Variants in GLI3 observed in about 807,000 individuals in gnomAD.
GLI3 encodes the protein transcription activator GLI3.
GLI3 carries 20 observed loss-of-function variants against 100.8 expected under a neutral mutation model. That is an observed-to-expected ratio of 0.20 (90% CI 0.14 to 0.29). The LOEUF (loss-of-function observed/expected upper bound fraction) is 0.29. GLI3 is among the 10% of genes least tolerant of loss of function. The probability of loss-of-function intolerance (pLI) is 1.00; values close to 1 mark genes in which losing one functional copy is unlikely to be tolerated. For missense variants in GLI3, 2,040 were observed against 2,128.5 expected, an observed-to-expected ratio of 0.96 and a Z score of 0.82; for synonymous variants, 938 against 860.5, an observed-to-expected ratio of 1.09 and a Z score of -1.58.
chr7:42,221,546 ACACT>A lies in GLI3; in HGVS notation c.124+1580_124+1583del, dbSNP rs1372902484. Among the ~76,000 whole-genome samples the A allele has an allele frequency of 4.6e-5, 7 of 152,110 alleles. No individual in the cohort carries two copies. The East Asian group carries it at 1.4e-3, about 29-fold the overall frequency. ...CACTCACACATATCCTCACACACTC[ACACT>A]CACTCACACCCTCACACACAGGCAT... On this transcript the variant is annotated intron_variant, in intron 2 of 14. Transcript: ENST00000395925.
chr7:41,964,237 C>A lies in GLI3; in HGVS notation c.*93G>T. 9.6e-7 allele frequency: 1 copy of A among 1,041,184 alleles called. No individual in the cohort carries two copies. Among genetic ancestry groups the A allele is most frequent in the South Asian group, 1.4e-5 (1 of 73,608 alleles). The allele number at this position is 1,041,184 out of a possible 1,614,324, so 64.5% of individuals were successfully genotyped here. On this transcript the variant is annotated 3_prime_UTR_variant, in exon 15 of 15. Coordinates refer to ENST00000395925, the MANE Select transcript of GLI3 (RefSeq NM_000168.6). ...TAGGTGAGATGAGATTGCTAAAATA[C>A]ATACAGAACTAAAAAAACAGCCAAA... is the stretch of plus-strand genomic sequence containing the variant.
chr7:42,108,455 G>C (rs573550866), intron 3 of GLI3, among the ~76,000 whole-genome samples: 10 of 152,180 alleles, frequency 6.6e-5, no homozygotes, highest in Non-Finnish European at 1.3e-4. Context: ...TTGGTGAGCT[G>C]ATGGCGCTTT....
At chr7:42,025,908 T>C (rs1451025919) in intron 8 of GLI3, among the ~76,000 whole-genome samples, 1 of 152,204 alleles carries the variant, frequency 6.6e-6, no homozygotes, top group Non-Finnish European at 1.5e-5. Flanking sequence ...CATGCTGCAC[T>C]GACATGGGAT....
intron 10 of GLI3, among the ~76,000 whole-genome samples, chr7:41,985,121 G>T (rs1484494507): frequency 1.3e-5 from 2 of 152,226 alleles, no homozygotes; most frequent in Non-Finnish European, 2.9e-5. Flanking sequence ...ACCCCCAGTT[G>T]TATTTCCAAT....
intron 2 of GLI3, among the ~76,000 whole-genome samples, chr7:42,171,588 A>G (rs1428431589): frequency 6.6e-6 from 1 of 152,252 alleles, no homozygotes; most frequent in Admixed American, 6.5e-5. Flanking sequence ...ATTAGAAACC[A>G]TAATCAAATG....
rs201325993 is a variant in GLI3, at chr7:41,966,513, T to C, written c.2560A>G (p.Ile854Val). The C allele has an allele frequency of 7.4e-6, 12 of 1,613,614 alleles. No homozygotes were observed. In the East Asian group the frequency reaches 2.7e-4, roughly 36 times the overall value. Residue 854 changes from isoleucine to valine, a missense_variant, in exon 15 of 15, where the codon ATC becomes GTC. By Grantham distance (29) the Ile-to-Val change is conservative. Transcript: ENST00000395925. The surrounding 1 kb of genome is among the most constrained non-coding windows in gnomAD (Gnocchi z 5.8). ...LNRRDSSAST[I>V]SSAYLSSRRS... ...CGGCTGCTCAGGTAGGCCGAGCTGA[T>C]GGTGCTGGCGCTGCTGTCCCTTCTG... is the stretch of plus-strand genomic sequence containing the variant.
chr7:42,198,798 G>A (rs918184811), intron 2 of GLI3, among the ~76,000 whole-genome samples: 5 of 151,580 alleles, frequency 3.3e-5, no homozygotes, highest in Admixed American at 2.6e-4. Context: ...ACACACAGGC[G>A]GCACACACAG....
intron 7 of GLI3, among the ~76,000 whole-genome samples, chr7:42,031,547 G>A (rs1789297209): frequency 6.6e-6 from 1 of 152,218 alleles, no homozygotes; most frequent in East Asian, 1.9e-4. Context: ...AGGATGTGGA[G>A]GAGCTTCCAG....
At position 42,132,193 on chromosome 7, in the gene GLI3, T is replaced by C. The variant is rs371155870; in HGVS notation, c.367+16033A>G. On this transcript the variant is annotated intron_variant, in intron 3 of 14. Transcript: ENST00000395925. The stretch of plus-strand genomic sequence containing the variant: ...TCGGCTCACTGCAAGCTCCGCCTCC[T>C]GGGTTCACGCCATTCTCCTGCCTCA... Among the ~76,000 whole-genome samples the C allele has an allele frequency of 5.3e-4, 81 of 151,914 alleles. No homozygotes were observed. In the East Asian group the frequency reaches 5.6e-3, roughly 11 times the overall value.
At chr7:42,126,205 T>A (rs846391) in intron 3 of GLI3, among the ~76,000 whole-genome samples, 35,173 of 152,178 alleles carry the variant, frequency 0.23, 4,354 homozygotes, top group Admixed American at 0.35. Flanking sequence ...AGTGCCTGTG[T>A]TTCTCTGAAA....
chr7:42,246,820 T>C (rs1317975101), intron 1 of GLI3, among the ~76,000 whole-genome samples: 1 of 146,256 alleles, frequency 6.8e-6, no homozygotes. Flanking sequence ...TTTTTTTTTT[T>C]TTTTTTTTTT....
At chr7:42,219,176 C>T (rs1053243834) in intron 2 of GLI3, among the ~76,000 whole-genome samples, 2 of 152,210 alleles carry the variant, frequency 1.3e-5, no homozygotes, top group South Asian at 2.1e-4. Context: ...TGCATGCATA[C>T]TTTCTATGGG....
At chr7:42,257,459 C>G (rs965753764) in intron 1 of GLI3, among the ~76,000 whole-genome samples, 41 of 151,782 alleles carry the variant, frequency 2.7e-4, no homozygotes, top group African/African-American at 9.0e-4. Context: ...ATTCTCCTGC[C>G]TCAGCCTCCC....
At chr7:42,163,282 G>A (rs550690240) in intron 2 of GLI3, among the ~76,000 whole-genome samples, 2 of 152,048 alleles carry the variant, frequency 1.3e-5, no homozygotes, top group Non-Finnish European at 2.9e-5. Context: ...GCCAAAGAAT[G>A]CTCATCTCCA....
At chr7:42,235,440 C>T (rs917051865) in intron 1 of GLI3, among the ~76,000 whole-genome samples, 4 of 152,088 alleles carry the variant, frequency 2.6e-5, no homozygotes, top group Admixed American at 1.3e-4. Context: ...GCCCCCCACC[C>T]GCCATGCCCA....
chr7:42,185,516 C>A (rs1787701280), intron 2 of GLI3, among the ~76,000 whole-genome samples: 1 of 152,202 alleles, frequency 6.6e-6, no homozygotes, highest in Admixed American at 6.5e-5. Flanking sequence ...AGAGCCATTT[C>A]TTGGGCAATT....
chr7:42,128,861 G>A (rs971700635), intron 3 of GLI3, among the ~76,000 whole-genome samples: 6 of 152,178 alleles, frequency 3.9e-5, no homozygotes, highest in African/African-American at 7.2e-5. Context: ...CCATTTTAGA[G>A]ATGAGGAAGC....
chr7:42,086,603 C>CT (rs1785106631), intron 3 of GLI3, among the ~76,000 whole-genome samples: 1 of 152,130 alleles, frequency 6.6e-6, no homozygotes, highest in African/African-American at 2.4e-5. Flanking sequence ...GCACCATGCA[C>CT]TTCATGGCTT....
rs1562661770 is a variant in GLI3, at chr7:41,968,717, A to AAAGAAAGAAAGAAAGAAAGAAAG, written c.2104-817_2104-795dup. On this transcript the variant is annotated intron_variant, in intron 13 of 14. Coordinates refer to ENST00000395925, the MANE Select transcript of GLI3 (RefSeq NM_000168.6). ...AGAAAGAAAGAAAGAAAGAAAGAAG[A>AAAGAAAGAAAGAAAGAAAGAAAG]AAGAAAGAAAGAAAGAAAGAAAGAA... Among the ~76,000 whole-genome samples the AAAGAAAGAAAGAAAGAAAGAAAG allele has an allele frequency of 1.3e-3, 139 of 103,724 alleles. 8 individuals carry two copies. Among genetic ancestry groups the AAAGAAAGAAAGAAAGAAAGAAAG allele is most frequent in the African/African-American group, 6.3e-3 (132 of 21,004 alleles). The allele number at this position is 103,724 out of a possible 152,430, so 68.0% of individuals were successfully genotyped here.
Sources: gnomAD v4.1 joint callset for allele counts (sites outside exome capture counted in the v4.1 genomes callset) on GRCh38, gnomAD v4.1.1 for gene constraint, Gnocchi (gnomAD v3.1) non-coding constraint, MANE v1.5 for transcripts, NCBI Gene and HGNC (gene_info 2026-07-23, HGNC 2026-07-21) for gene names.